AREL1: variants seen among roughly 807,000 people sequenced by gnomAD.
The protein encoded by AREL1 is apoptosis resistant E3 ubiquitin protein ligase 1.
A neutral mutation model predicts 99.0 loss-of-function variants in AREL1; 62 were observed. The ratio of observed to expected loss-of-function variants is 0.63; its 90% CI spans 0.51 to 0.77. The LOEUF is 0.77. Among genes scored for constraint, AREL1 ranks in the 30% least tolerant of loss-of-function variants. The pLI, the probability that AREL1 is intolerant of heterozygous loss-of-function variation, is 0.00. For missense variants in AREL1, 879 were observed against 1,027.6 expected (o/e 0.86, Z 1.98); for synonymous variants, 380 against 376.5 (o/e 1.01, Z -0.11).
intron 8 of AREL1, among the ~76,000 whole-genome samples, chr14:74,674,773 T>G (rs1417956008): frequency 6.6e-6 from 1 of 152,190 alleles, no homozygotes; most frequent in African/African-American, 2.4e-5. Flanking sequence ...AGCCCCATGA[T>G]GCTCAGAATG....
Position 74,664,087 on chromosome 14 carries a change from G to C in AREL1, c.2194-13C>G. 6.2e-7 allele frequency: 1 copy of C among 1,609,870 alleles called. No homozygotes were observed. Among genetic ancestry groups the C allele is most frequent in the Non-Finnish European group, 8.5e-7 (1 of 1,177,746 alleles). On this transcript the variant is annotated splice_polypyrimidine_tract_variant and intron_variant, in intron 18 of 19. Coordinates refer to ENST00000356357, the MANE Select transcript of AREL1 (RefSeq NM_001039479.2). ...ACCACCTCATGACCTGGCAGGGAGA[G>C]CACAAGGCTGGGATCACACACAGTA... is the stretch of plus-strand genomic sequence containing the variant.
In AREL1 at chr14:74,684,436, A is replaced by G; in HGVS notation, c.243+18T>C. 6.2e-7 allele frequency: 1 copy of G among 1,612,062 alleles called. No homozygotes were observed. ...CTCAGAAACCCCAATGGGTATGGAG[A>G]CAGAAACATTCCCTTACATGCACTC... On this transcript the variant is annotated intron_variant, in intron 4 of 19. Coordinates refer to ENST00000356357, the MANE Select transcript of AREL1 (RefSeq NM_001039479.2).
intron 5 of AREL1, among the ~76,000 whole-genome samples, chr14:74,678,825 T>A (rs7145575): frequency 0.38 from 57,388 of 151,896 alleles, 13,097 homozygotes; most frequent in Non-Finnish European, 0.5. Context: ...ATCTTCAGGA[T>A]CTGAGACCAA....
At chr14:74,679,844 T>TAAATA (rs1447440308) in intron 5 of AREL1, among the ~76,000 whole-genome samples, 1 of 150,398 alleles carries the variant, frequency 6.6e-6, no homozygotes, top group African/African-American at 2.4e-5. Flanking sequence ...AAGAAAATAA[T>TAAATA]AATAAATAAA....
In AREL1 at chr14:74,688,768, C is replaced by T. The variant is rs547949961; in HGVS notation, c.-45-3108G>A. Among the ~76,000 whole-genome samples the T allele has an allele frequency of 3.3e-5, 5 of 152,230 alleles. No homozygotes were observed. In the South Asian group the frequency reaches 8.3e-4, roughly 25 times the overall value. On this transcript the variant is annotated intron_variant, in intron 2 of 19. Transcript: ENST00000356357. ...CATGGTCACATTCTGAATTTGCCTT[C>T]GTTCTACAAATTCCCCCTTTCTGGT... is the stretch of plus-strand genomic sequence containing the variant.
In AREL1 at chr14:74,662,291, GC is replaced by G. The variant is rs2139843107; in HGVS notation, c.*1428del. ...CATGCTTCCAGGAGGCCAAGGCATT[GC>G]CAAAGTCCTGCCTTGTTTCAGGACT... On this transcript the variant is annotated 3_prime_UTR_variant, in exon 20 of 20. Coordinates refer to ENST00000356357, the MANE Select transcript of AREL1 (RefSeq NM_001039479.2). The G allele has an allele frequency of 6.5e-6, 2 of 309,968 alleles. No homozygotes were observed. The highest frequency in any genetic ancestry group is 3.2e-4 in the South Asian group (2 of 6,226). 19.2% of individuals were successfully genotyped at this position (309,968 alleles called of 1,614,324 possible). A position where few individuals can be genotyped will look rare whatever the true frequency, so the allele number is the denominator to read the frequency against.
intron 12 of AREL1, among the ~76,000 whole-genome samples, chr14:74,671,102 C>A (rs1039807898): frequency 6.6e-6 from 1 of 151,996 alleles, no homozygotes; most frequent in Non-Finnish European, 1.5e-5. Context: ...CACCAGAGGT[C>A]GGAGATCCCA....
At chr14:74,688,855 G>T (rs1319593014) in intron 2 of AREL1, among the ~76,000 whole-genome samples, 2 of 150,544 alleles carry the variant, frequency 1.3e-5, no homozygotes, top group East Asian at 3.9e-4. Context: ...TATTTTTTTT[G>T]AGACAGAGTC....
Position 74,697,155 on chromosome 14 carries a change from TACACACAC to T in AREL1, c.-333-4835_-333-4828del, listed in dbSNP as rs112999456. Among the ~76,000 whole-genome samples the T allele has an allele frequency of 1.8e-3, 269 of 147,446 alleles. 1 individual carries two copies. Among genetic ancestry groups the T allele is most frequent in the African/African-American group, 6.4e-3 (257 of 40,432 alleles). On this transcript the variant is annotated intron_variant, in intron 1 of 19. Coordinates refer to ENST00000356357, the MANE Select transcript of AREL1 (RefSeq NM_001039479.2). The stretch of plus-strand genomic sequence containing the variant: ...ACAGAGAGAGAGATCCTGTCACACA[TACACACAC>T]ACACACACACACAGCCATGAAAAAC...
chr14:74,667,700 C>T (rs1307895544), intron 15 of AREL1, 106 bp from the exon 16 acceptor site: 4 of 1,388,388 alleles, frequency 2.9e-6, no homozygotes, highest in African/African-American at 2.9e-5. Flanking sequence ...ACCTCCATCA[C>T]TGTCAGTCAC....
intron 1 of AREL1, among the ~76,000 whole-genome samples, chr14:74,711,491 C>T (rs1243247952): frequency 1.3e-5 from 2 of 151,854 alleles, no homozygotes; most frequent in African/African-American, 4.8e-5. Flanking sequence ...TGCTGTGAGC[C>T]GAGATTGCGC....
intron 11 of AREL1, chr14:74,672,030 G>A (rs1468268710): frequency 1.1e-4 from 52 of 454,490 alleles, no homozygotes; most frequent in Non-Finnish European, 4.4e-5. Flanking sequence ...CCTGGGGAAT[G>A]TAAGAACTAT....
intron 1 of AREL1, among the ~76,000 whole-genome samples, chr14:74,699,673 C>G (rs1418046446): frequency 6.6e-6 from 1 of 152,198 alleles, no homozygotes; most frequent in South Asian, 2.1e-4. Context: ...GCCATAGGAA[C>G]TTAATTCTTG....
chr14:74,681,806 G>GT (rs1555359179), intron 5 of AREL1, among the ~76,000 whole-genome samples: 2 of 91,016 alleles, frequency 2.2e-5, no homozygotes, highest in African/African-American at 8.7e-5. Context: ...GAAACAGGTT[G>GT]GGGGGGATAG....
At chr14:74,696,773 T>C (rs1031656939) in intron 1 of AREL1, among the ~76,000 whole-genome samples, 1 of 152,176 alleles carries the variant, frequency 6.6e-6, no homozygotes, top group South Asian at 2.1e-4. Flanking sequence ...GAGAAAAGCC[T>C]GGCCAACATG....
At chr14:74,705,865 T>C (rs2090168793) in intron 1 of AREL1, among the ~76,000 whole-genome samples, 1 of 152,198 alleles carries the variant, frequency 6.6e-6, no homozygotes, top group African/African-American at 2.4e-5. Flanking sequence ...CTGGAGTTGT[T>C]TGCCATTCAT....
At chr14:74,663,854 TA>T in intron 19 of AREL1, 32 bp from the exon 20 acceptor site, 1 of 1,614,144 alleles carries the variant, frequency 6.2e-7, no homozygotes, top group Non-Finnish European at 8.5e-7. Context: ...GATTAACTCA[TA>T]CCACCAAAAA....
chr14:74,685,789 C>A, intron 2 of AREL1, 129 bp from the exon 3 acceptor site: 1 of 722,886 alleles, frequency 1.4e-6, no homozygotes, highest in Non-Finnish European at 2.3e-6. Context: ...CTATTCCTAT[C>A]CTCTTTCTAG....
At chr14:74,669,404 T>C (rs959507550) in intron 15 of AREL1, among the ~76,000 whole-genome samples, 1 of 152,162 alleles carries the variant, frequency 6.6e-6, no homozygotes, top group African/African-American at 2.4e-5. Flanking sequence ...GCTGAGATCA[T>C]AAAGCATAGG....
Sources: gnomAD v4.1 joint callset for allele counts (sites outside exome capture counted in the v4.1 genomes callset) on GRCh38, gnomAD v4.1.1 for gene constraint, MANE v1.5 for transcripts, NCBI Gene and HGNC (gene_info 2026-07-23, HGNC 2026-07-21) for gene names.